The following EPB42 variants were observed in gnomAD, a reference collection of about 807,000 sequenced individuals.
The protein encoded by EPB42 is protein 4.2.
A neutral mutation model predicts 76.9 loss-of-function variants in EPB42; 49 were observed. That is an observed-to-expected ratio of 0.64 (90% CI 0.51 to 0.81). The LOEUF is 0.81. Among genes scored for constraint, EPB42 ranks in the 30% least tolerant of loss-of-function variants. The pLI is 0.00. For synonymous variants in EPB42, 310 were observed against 338.4 expected, an observed-to-expected ratio of 0.92 and a Z score of 0.92; for missense variants, 731 against 867.6, an observed-to-expected ratio of 0.84 and a Z score of 1.98.
At chr15:43,203,990 T>C (rs1317020739) in intron 10 of EPB42, among the ~76,000 whole-genome samples, 2 of 152,200 alleles carry the variant, frequency 1.3e-5, no homozygotes, top group African/African-American at 4.8e-5. Flanking sequence ...GCACTATCAA[T>C]TTTAACCCAT....
Position 43,210,320 on chromosome 15 carries a change from CA to C in EPB42, c.654+14del, listed in dbSNP as rs776355483. On this transcript the variant is annotated intron_variant, in intron 5 of 12. Coordinates refer to ENST00000441366, the MANE Select transcript of EPB42 (RefSeq NM_001114134.2). The stretch of plus-strand genomic sequence containing the variant: ...TCACCCCTGCCCCATTCTGGTTCCC[CA>C]GCCTCTCGCTTACCAAGGCACCCAA... 9 of 1,611,662 alleles carry C rather than the reference CA, an allele frequency of 5.6e-6. No homozygotes were observed. Among genetic ancestry groups the C allele is most frequent in the Non-Finnish European group, 5.1e-6 (6 of 1,178,924 alleles).
Position 43,208,339 on chromosome 15 carries a change from T to G in EPB42, c.972-6A>C. On this transcript the variant is annotated splice_polypyrimidine_tract_variant and splice_region_variant and intron_variant, in intron 7 of 12. Transcript: ENST00000441366. ...CTGTGGAAGTCTGGAAGATCCTGAA[T>G]GCAGCAAAGAGAAAAATTCAAGTGG... is the stretch of plus-strand genomic sequence containing the variant. 1 of 1,613,782 alleles carries G rather than the reference T, an allele frequency of 6.2e-7. No individual in the cohort carries two copies. Among genetic ancestry groups the G allele is most frequent in the Non-Finnish European group, 8.5e-7 (1 of 1,179,798 alleles).
chr15:43,204,922 G>A (rs913833828), intron 10 of EPB42, among the ~76,000 whole-genome samples: 6 of 151,546 alleles, frequency 4.0e-5, no homozygotes, highest in Non-Finnish European at 8.8e-5. Context: ...CCAGATGATC[G>A]GAGTCTCTGA....
chr15:43,209,932 G>A (rs1341411098), intron 5 of EPB42, among the ~76,000 whole-genome samples: 1 of 152,208 alleles, frequency 6.6e-6, no homozygotes, highest in Non-Finnish European at 1.5e-5. Flanking sequence ...AAAGCACCGA[G>A]TTACCATCAT....
chr15:43,221,019 A>G (rs2042454787), upstream of EPB42: 1 of 608,320 alleles, frequency 1.6e-6, no homozygotes. Flanking sequence ...CTTCTCTCCT[A>G]CTCCCTCTCT....
Position 43,206,310 on chromosome 15 carries a change from G to C in EPB42, c.1618+20C>G. The stretch of plus-strand genomic sequence containing the variant: ...GTGTGTGTGTGTCGGGGGGTGTCTG[G>C]TGGGGCCATAGAGCATTACCCAGGT... On this transcript the variant is annotated intron_variant, in intron 10 of 12. Transcript: ENST00000441366. The surrounding 1 kb of genome is among the most constrained non-coding windows in gnomAD (Gnocchi z 4.7). The C allele has an allele frequency of 6.3e-7, 1 of 1,593,468 alleles. No individual in the cohort carries two copies. Among genetic ancestry groups the C allele is most frequent in the Non-Finnish European group, 8.6e-7 (1 of 1,165,736 alleles).
At chr15:43,208,377 G>A in intron 7 of EPB42, 44 bp from the exon 8 acceptor site, 3 of 1,587,656 alleles carry the variant, frequency 1.9e-6, no homozygotes, top group Middle Eastern at 1.7e-4. Context: ...AAGAAAACGA[G>A]TGCTGAAGAG....
rs142204644 is a variant in EPB42 at position 43,213,593 on chromosome 15, C to T, written c.430+1502G>A. On this transcript the variant is annotated intron_variant, in intron 3 of 12. Coordinates refer to ENST00000441366, the MANE Select transcript of EPB42 (RefSeq NM_001114134.2). ...AGAACTCTTTGCTGGGTCTTTATGG[C>T]GGTCACCAGGGCCTGGCTCTGGAAG... Among the ~76,000 whole-genome samples the T allele has an allele frequency of 5.3e-3, 809 of 152,256 alleles. 5 individuals carry two copies. Among genetic ancestry groups the T allele is most frequent in the African/African-American group, 0.019 (772 of 41,536 alleles).
upstream of EPB42, among the ~76,000 whole-genome samples, chr15:43,221,845 A>T (rs895989775): frequency 2.0e-5 from 3 of 149,794 alleles, no homozygotes; most frequent in Non-Finnish European, 3.0e-5. Flanking sequence ...AAAAAAAAAA[A>T]TGAAACTTCT....
intron 3 of EPB42, among the ~76,000 whole-genome samples, chr15:43,212,389 A>G (rs1328154717): frequency 3.4e-5 from 5 of 149,040 alleles, no homozygotes; most frequent in African/African-American, 1.3e-4. Context: ...AAAAAAAAGA[A>G]AAAAGAAAAA....
intron 8 of EPB42, among the ~76,000 whole-genome samples, chr15:43,207,912 C>G (rs540077083): frequency 2.1e-4 from 32 of 152,316 alleles, no homozygotes; most frequent in South Asian, 8.3e-4. Flanking sequence ...ACCTCAGAAC[C>G]TCTGCTGTAA....
chr15:43,209,242 C>A (rs146973988), intron 6 of EPB42, 32 bp downstream of exon 6: 2 of 1,613,370 alleles, frequency 1.2e-6, no homozygotes, highest in South Asian at 2.2e-5. Flanking sequence ...ACCCAGGAGG[C>A]AGGGCACTCT....
Position 43,203,424 on chromosome 15 carries a change from C to T in EPB42, c.1619-149G>A. The T allele has an allele frequency of 4.9e-6, 5 of 1,021,648 alleles. No homozygotes were observed. The Admixed American group carries it at 1.0e-4, about 21-fold the overall frequency. 63.3% of individuals were successfully genotyped at this position (1,021,648 alleles called of 1,614,324 possible). On this transcript the variant is annotated intron_variant, in intron 10 of 12. Transcript: ENST00000441366. ...CCAGCAATTGTACACTTGGAACTCA[C>T]TCAAGACCTCACTCCTCACCCTCAT... is the stretch of plus-strand genomic sequence containing the variant.
At chr15:43,224,672 G>A (rs1041577717), upstream of EPB42, among the ~76,000 whole-genome samples, 4 of 152,178 alleles carry the variant, frequency 2.6e-5, no homozygotes, top group Admixed American at 6.5e-5. Flanking sequence ...AAGGTATTAG[G>A]TAGATAAATT....
intron 8 of EPB42, among the ~76,000 whole-genome samples, chr15:43,207,670 T>C (rs1451682209): frequency 1.3e-5 from 2 of 152,224 alleles, no homozygotes; most frequent in African/African-American, 4.8e-5. Flanking sequence ...AGAAGCCCTC[T>C]CAGGAACTGG....
At chr15:43,213,853 G>A (rs1483710211) in intron 3 of EPB42, among the ~76,000 whole-genome samples, 1 of 152,264 alleles carries the variant, frequency 6.6e-6, no homozygotes, top group Non-Finnish European at 1.5e-5. Context: ...GGGGCCACCT[G>A]AAGTCGGGGA....
intron 10 of EPB42, among the ~76,000 whole-genome samples, chr15:43,205,692 G>C (rs762990238): frequency 6.6e-6 from 1 of 152,138 alleles, no homozygotes; most frequent in South Asian, 2.1e-4. Flanking sequence ...GAGCCACTGC[G>C]TCCAGCCCAC....
chr15:43,219,798 T>C (rs2042430779), intron 1 of EPB42, among the ~76,000 whole-genome samples: 2 of 151,904 alleles, frequency 1.3e-5, no homozygotes, highest in Non-Finnish European at 1.5e-5. Flanking sequence ...TACAAAAAAT[T>C]AGCCGGGCAT....
chr15:43,207,012 G>A (rs989783413), intron 9 of EPB42, among the ~76,000 whole-genome samples, 187 bp downstream of exon 9: 1 of 152,172 alleles, frequency 6.6e-6, no homozygotes. Flanking sequence ...GTCCTAGGGT[G>A]CACAGCCTGT....
Sources: allele counts gnomAD v4.1 joint callset (sites outside exome capture counted in the v4.1 genomes callset), GRCh38; gene constraint gnomAD v4.1.1; non-coding constraint Gnocchi (gnomAD v3.1); transcripts MANE v1.5; gene names NCBI Gene and HGNC (gene_info 2026-07-23, HGNC 2026-07-21).